Variants in DNAJC30 observed in about 807,000 individuals in gnomAD.
DNAJC30 encodes dnaJ homolog subfamily C member 30, mitochondrial.
DNAJC30 carries 16 observed loss-of-function variants against 15.4 expected under a neutral mutation model. The observed-to-expected ratio is 1.04, with a 90% CI of 0.70 to 1.58. The LOEUF is 1.58. Among genes scored for constraint, DNAJC30 ranks in the 40% most tolerant of loss-of-function variants. DNAJC30 has a pLI of 0.00. For synonymous variants in DNAJC30, 161 were observed against 140.2 expected, an observed-to-expected ratio of 1.15 and a Z score of -1.05; for missense variants, 352 against 320.9, an observed-to-expected ratio of 1.10 and a Z score of -0.74.
rs1241394431 is a variant in DNAJC30 at position 73,681,717 on chromosome 7, G to A, written c.*1026C>T. On this transcript the variant is annotated 3_prime_UTR_variant, in exon 1 of 1. Transcript: ENST00000395176. ...TGCCTGCAATCCCAGCACTTTGGGA[G>A]GCTGGACGGGCAGACAGCCTGAGGT... The A allele has an allele frequency of 6.6e-6, 1 of 152,304 alleles. No individual in the cohort carries two copies. The highest frequency in any genetic ancestry group is 1.5e-5 in the Non-Finnish European group (1 of 68,100). The allele number at this position is 152,304 out of a possible 1,614,324, so 9.4% of individuals were successfully genotyped here.
Position 73,683,147 on chromosome 7 carries a change from G to T in DNAJC30, c.277C>A (p.Arg93Ser). Residue 93 changes from arginine (R) to serine (S), a missense_variant, in exon 1 of 1, where the codon CGC (arginine) becomes AGC (serine). Arg to Ser is a moderately radical substitution (Grantham distance 110). Transcript: ENST00000395176. ...AGCACCACGTAGGCCTGGGAGATGC[G>T]CGTGAAGCGCTCGGCGGCCTCCGCG... The part of the protein sequence containing the change: ...GSAEAAERFT[R>S]ISQAYVVLGS... 6.2e-7 allele frequency: 1 copy of T among 1,614,104 alleles called. No individual in the cohort carries two copies. The highest frequency in any genetic ancestry group is 8.5e-7 in the Non-Finnish European group (1 of 1,180,012).
rs200098566 is a variant in DNAJC30, at chr7:73,682,717, A to G, written c.*26T>C. 13 of 1,577,250 alleles carry G rather than the reference A, an allele frequency of 8.2e-6. No homozygotes were observed. In the East Asian group the frequency reaches 2.7e-4, roughly 33 times the overall value. On this transcript the variant is annotated 3_prime_UTR_variant, in exon 1 of 1. Transcript: ENST00000395176. ...GCCGTTTCTGGGGGGTTGGCTGGGG[A>G]CACTCCCCTTCCCTTCTCTCTCCGA...
chr7:73,683,054 C>T lies in DNAJC30; in HGVS notation c.370G>A (p.Gly124Ser). Residue 124 changes from glycine to serine, a missense_variant, in exon 1 of 1, where the codon GGC becomes AGC. By Grantham distance (56) the Gly-to-Ser change is moderately conservative. Coordinates refer to ENST00000395176, the MANE Select transcript of DNAJC30 (RefSeq NM_032317.3). Reference sequence around the variant, plus strand: ...GCGGGCGTCCTGGAGGGCCGGACGCCAGGTCCGCGCAGGTCCTCGTCGCTG... The same window carrying T: ...GCGGGCGTCCTGGAGGGCCGGACGCTAGGTCCGCGCAGGTCCTCGTCGCTG... ...LLSDEDLRGPGVRPSRTPAPD... is the reference protein window; with the variant it reads ...LLSDEDLRGPSVRPSRTPAPD... 1 of 1,594,912 alleles carries T rather than the reference C, an allele frequency of 6.3e-7. No individual in the cohort carries two copies. Among genetic ancestry groups the T allele is most frequent in the Non-Finnish European group, 8.6e-7 (1 of 1,168,328 alleles).
In DNAJC30 at chr7:73,683,222, C is replaced by T; in HGVS notation, c.202G>A (p.Ala68Thr). 6.2e-7 allele frequency: 1 copy of T among 1,614,228 alleles called. No individual in the cohort carries two copies. Among genetic ancestry groups the T allele is most frequent in the East Asian group, 2.2e-5 (1 of 44,888 alleles). The change falls in exon 1 of 1, where the codon GCT becomes ACT. Residue 68 changes from alanine to threonine, a missense_variant. By Grantham distance (58) the Ala-to-Thr change is moderately conservative. Coordinates refer to ENST00000395176, the MANE Select transcript of DNAJC30 (RefSeq NM_032317.3). ...STATQAQIKA[A>T]YYRQCFLYHP... is the part of the protein sequence containing the mutation. ...TAGAGAAAGCACTGACGGTAGTAAG[C>T]CGCCTTGATTTGGGCCTGCGTGGCT...
rs1554611675 is a variant in DNAJC30 at position 73,683,066 on chromosome 7, G to A, written c.358C>T (p.Leu120=). Residue 120 remains leucine, a synonymous_variant, in exon 1 of 1, where the codon CTG becomes TTG. Coordinates refer to ENST00000395176, the MANE Select transcript of DNAJC30 (RefSeq NM_032317.3). ...GAGGGCCGGACGCCAGGTCCGCGCA[G>A]GTCCTCGTCGCTGAGTAGGCCGCGA... ...YDRGLLSDED[L]RGPGVRPSRT... 1.7e-5 allele frequency: 28 copies of A among 1,602,052 alleles called. No homozygotes were observed. Among genetic ancestry groups the A allele is most frequent in the Non-Finnish European group, 2.4e-5 (28 of 1,172,142 alleles).
rs1490654995 is a variant in DNAJC30, at chr7:73,681,180, T to G, written c.*1563A>C. 6.6e-6 allele frequency: 1 copy of G among 152,220 alleles called. No individual in the cohort carries two copies. The highest frequency in any genetic ancestry group is 2.4e-5 in the African/African-American group (1 of 41,444). The allele number at this position is 152,220 out of a possible 1,614,324, so 9.4% of individuals were successfully genotyped here. A position where few individuals can be genotyped will look rare whatever the true frequency, so the allele number is the denominator to read the frequency against. ...ACACTCAGTCCCGAACAGAAACACT[T>G]GAGCACCTACAATCTCACAGCCAAC... On this transcript the variant is annotated 3_prime_UTR_variant, in exon 1 of 1. Transcript: ENST00000395176.
In DNAJC30 at chr7:73,682,868, G is replaced by C; in HGVS notation, c.556C>G (p.Arg186Gly). 6.2e-7 allele frequency: 1 copy of C among 1,614,118 alleles called. No individual in the cohort carries two copies. Among genetic ancestry groups the C allele is most frequent in the Non-Finnish European group, 8.5e-7 (1 of 1,180,048 alleles). The change falls in exon 1 of 1, where the codon CGG becomes GGG. Residue 186 changes from arginine (R) to glycine (G), a missense_variant. Arg to Gly is a moderately radical substitution (Grantham distance 125). Coordinates refer to ENST00000395176, the MANE Select transcript of DNAJC30 (RefSeq NM_032317.3). ...LERERRLRAR[R>G]EALRKRQEYR... ...TCCTGCCGTTTGCGAAGGGCCTCCC[G>C]CCGGGCCCTCAGGCGCCGTTCCCGC... is the stretch of plus-strand genomic sequence containing the variant.
Position 73,683,191 on chromosome 7 carries a change from G to A in DNAJC30, c.233C>T (p.Pro78Leu). 1 of 1,614,212 alleles carries A rather than the reference G, an allele frequency of 6.2e-7. No homozygotes were observed. The highest frequency in any genetic ancestry group is 1.1e-5 in the South Asian group (1 of 91,090). ...CTCCGCGCTCCCGGAGTTGCGGTCC[G>A]GGTGGTAGAGAAAGCACTGACGGTA... Reference protein sequence around the residue: ...AYYRQCFLYHPDRNSGSAEAA... With the variant: ...AYYRQCFLYHLDRNSGSAEAA... The change falls in exon 1 of 1, where the codon CCG (proline) becomes CTG (leucine). Residue 78 changes from proline to leucine, a missense_variant. Physicochemically the swap from Pro to Leu is moderately conservative, Grantham distance 98. Coordinates refer to ENST00000395176, the MANE Select transcript of DNAJC30 (RefSeq NM_032317.3).
In DNAJC30 at chr7:73,683,059, C is replaced by G; in HGVS notation, c.365G>C (p.Gly122Ala). 1 of 1,597,524 alleles carries G rather than the reference C, an allele frequency of 6.3e-7. No individual in the cohort carries two copies. Among genetic ancestry groups the G allele is most frequent in the Non-Finnish European group, 8.5e-7 (1 of 1,169,668 alleles). Residue 122 changes from glycine to alanine, a missense_variant, in exon 1 of 1, where the codon GGA becomes GCA. Physicochemically the swap from Gly to Ala is moderately conservative, Grantham distance 60. Coordinates refer to ENST00000395176, the MANE Select transcript of DNAJC30 (RefSeq NM_032317.3). The stretch of plus-strand genomic sequence containing the variant: ...CGTCCTGGAGGGCCGGACGCCAGGT[C>G]CGCGCAGGTCCTCGTCGCTGAGTAG... ...RGLLSDEDLR[G>A]PGVRPSRTPA...
Position 73,682,706 on chromosome 7 carries a change from G to A in DNAJC30, c.*37C>T. 3 of 1,560,372 alleles carry A rather than the reference G, an allele frequency of 1.9e-6. No homozygotes were observed. The highest frequency in any genetic ancestry group is 2.6e-6 in the Non-Finnish European group (3 of 1,152,282). ...CAGGAAAAAAGGCCGTTTCTGGGGG[G>A]TTGGCTGGGGACACTCCCCTTCCCT... is the stretch of plus-strand genomic sequence containing the variant. On this transcript the variant is annotated 3_prime_UTR_variant, in exon 1 of 1. Transcript: ENST00000395176.
At position 73,682,906 on chromosome 7, in the gene DNAJC30, C is replaced by T; in HGVS notation, c.518G>A (p.Gly173Glu). 2 of 1,614,084 alleles carry T rather than the reference C, an allele frequency of 1.2e-6. No individual in the cohort carries two copies. Among genetic ancestry groups the T allele is most frequent in the East Asian group, 4.5e-5 (2 of 44,880 alleles). ...GCGCCGTTCCCGCTCCAGTTGTTCC[C>T]CGTAGTGGGCCTGGTAGAAGGCGTC... ...NFDAFYQAHY[G>E]EQLERERRLR... is the part of the protein sequence containing the mutation. The change falls in exon 1 of 1, where the codon GGG (glycine) becomes GAG (glutamate). Residue 173 changes from glycine to glutamate, a missense_variant. Coordinates refer to ENST00000395176, the MANE Select transcript of DNAJC30 (RefSeq NM_032317.3).
At position 73,683,188 on chromosome 7, in the gene DNAJC30, T is replaced by G; in HGVS notation, c.236A>C (p.Asp79Ala). ...GGCCTCCGCGCTCCCGGAGTTGCGG[T>G]CCGGGTGGTAGAGAAAGCACTGACG... is the stretch of plus-strand genomic sequence containing the variant. Reference protein sequence around the residue: ...YYRQCFLYHPDRNSGSAEAAE... With the variant: ...YYRQCFLYHPARNSGSAEAAE... Residue 79 changes from aspartate (D) to alanine (A), a missense_variant, in exon 1 of 1, where the codon GAC (aspartate) becomes GCC (alanine). Physicochemically the swap from Asp to Ala is moderately radical, Grantham distance 126. Transcript: ENST00000395176. 1 of 1,614,190 alleles carries G rather than the reference T, an allele frequency of 6.2e-7. No individual in the cohort carries two copies. The highest frequency in any genetic ancestry group is 2.2e-5 in the East Asian group (1 of 44,892).
chr7:73,682,053 T>G lies in DNAJC30; in HGVS notation c.*690A>C, dbSNP rs1446871944. Reference sequence around the variant, plus strand: ...TGATTTTCTCCTCTGCTGTCATGCCTACAGAGTAACTTCTCCAAGGTCACA... The same window carrying G: ...TGATTTTCTCCTCTGCTGTCATGCCGACAGAGTAACTTCTCCAAGGTCACA... On this transcript the variant is annotated 3_prime_UTR_variant, in exon 1 of 1. Transcript: ENST00000395176. The G allele has an allele frequency of 6.6e-6, 1 of 152,348 alleles. No homozygotes were observed. The highest frequency in any genetic ancestry group is 1.5e-5 in the Non-Finnish European group (1 of 68,092). The allele number at this position is 152,348 out of a possible 1,614,324, so 9.4% of individuals were successfully genotyped here.
Position 73,683,426 on chromosome 7 carries a change from T to A in DNAJC30, c.-3A>T, listed in dbSNP as rs376880069. On this transcript the variant is annotated 5_prime_UTR_variant, in exon 1 of 1. Coordinates refer to ENST00000395176, the MANE Select transcript of DNAJC30 (RefSeq NM_032317.3). ...CATCGCCAGCGCATGGCTGCCATGT[T>A]GAATTGATTCGGCAGGCGGTGCAAG... The A allele has an allele frequency of 5.6e-6, 9 of 1,609,798 alleles. No homozygotes were observed. The highest frequency in any genetic ancestry group is 1.7e-5 in the Admixed American group (1 of 59,870).
rs782206269 is a variant in DNAJC30, at chr7:73,683,006, T to G, written c.418A>C (p.Thr140Pro). The G allele has an allele frequency of 6.3e-7, 1 of 1,589,332 alleles. No homozygotes were observed. Among genetic ancestry groups the G allele is most frequent in the South Asian group, 1.1e-5 (1 of 89,048 alleles). The change falls in exon 1 of 1, where the codon ACC becomes CCC. Residue 140 changes from threonine (T) to proline (P), a missense_variant. Coordinates refer to ENST00000395176, the MANE Select transcript of DNAJC30 (RefSeq NM_032317.3). ...TPAPDPGSPR[T>P]PPPTSRTHDG... ...TGGGTCCGAGAGGTGGGCGGCGGGG[T>G]ACGCGGCGAGCCGGGGTCGGGTGCG... is the stretch of plus-strand genomic sequence containing the variant.
rs1797702370 is a variant in DNAJC30 at position 73,681,365 on chromosome 7, C to G, written c.*1378G>C. 1 of 152,354 alleles carries G rather than the reference C, an allele frequency of 6.6e-6. No homozygotes were observed. Among genetic ancestry groups the G allele is most frequent in the African/African-American group, 2.4e-5 (1 of 41,462 alleles). The allele number at this position is 152,354 out of a possible 1,614,324, so 9.4% of individuals were successfully genotyped here. On this transcript the variant is annotated 3_prime_UTR_variant, in exon 1 of 1. Transcript: ENST00000395176. Reference sequence around the variant, plus strand: ...CCAAGTCTCCACCATGAACACCAAGCCACCAACTCCCCGTCCCTCAGTAGT... The same window carrying G: ...CCAAGTCTCCACCATGAACACCAAGGCACCAACTCCCCGTCCCTCAGTAGT...
rs781850653 is a variant in DNAJC30, at chr7:73,682,913, G to A, written c.511C>T (p.His171Tyr). ...MFNFDAFYQA[H>Y]YGEQLERERR... ...TCCCGCTCCAGTTGTTCCCCGTAGTGGGCCTGGTAGAAGGCGTCAAAGTTG... is the reference window on the plus strand; with the variant it reads ...TCCCGCTCCAGTTGTTCCCCGTAGTAGGCCTGGTAGAAGGCGTCAAAGTTG... Residue 171 changes from histidine to tyrosine, a missense_variant, in exon 1 of 1, where the codon CAC becomes TAC. By Grantham distance (83) the His-to-Tyr change is moderately conservative. Coordinates refer to ENST00000395176, the MANE Select transcript of DNAJC30 (RefSeq NM_032317.3). 3 of 1,613,886 alleles carry A rather than the reference G, an allele frequency of 1.9e-6. No individual in the cohort carries two copies. The highest frequency in any genetic ancestry group is 1.7e-5 in the Admixed American group (1 of 60,012).
At position 73,681,528 on chromosome 7, in the gene DNAJC30, T is replaced by G. The variant is rs1797710029; in HGVS notation, c.*1215A>C. On this transcript the variant is annotated 3_prime_UTR_variant, in exon 1 of 1. Coordinates refer to ENST00000395176, the MANE Select transcript of DNAJC30 (RefSeq NM_032317.3). Reference sequence around the variant, plus strand: ...AGTGCAGAGTTTGTCACTCTATTTCTGGGAGGGGATGGGCTGCACAGTGTG... The same window carrying G: ...AGTGCAGAGTTTGTCACTCTATTTCGGGGAGGGGATGGGCTGCACAGTGTG... 6.6e-6 allele frequency: 1 copy of G among 152,218 alleles called. No individual in the cohort carries two copies. The highest frequency in any genetic ancestry group is 2.4e-5 in the African/African-American group (1 of 41,462). 9.4% of individuals were successfully genotyped at this position (152,218 alleles called of 1,614,324 possible).
At position 73,683,220 on chromosome 7, in the gene DNAJC30, A is replaced by C; in HGVS notation, c.204T>G (p.Ala68=). 16 of 1,614,234 alleles carry C rather than the reference A, an allele frequency of 9.9e-6. No homozygotes were observed. The highest frequency in any genetic ancestry group is 1.3e-5 in the Non-Finnish European group (15 of 1,180,044). Residue 68 remains alanine, a synonymous_variant, in exon 1 of 1, where the codon GCT becomes GCG. Coordinates refer to ENST00000395176, the MANE Select transcript of DNAJC30 (RefSeq NM_032317.3). ...STATQAQIKA[A]YYRQCFLYHP... is the part of the protein sequence containing the mutation. ...GGTAGAGAAAGCACTGACGGTAGTA[A>C]GCCGCCTTGATTTGGGCCTGCGTGG...
Sources: gnomAD v4.1 joint callset for allele counts on GRCh38, gnomAD v4.1.1 for gene constraint, MANE v1.5 for transcripts, NCBI Gene and HGNC (gene_info 2026-07-23, HGNC 2026-07-21) for gene names.